FREM2: variants seen among roughly 807,000 people sequenced by gnomAD.
The protein encoded by FREM2 is FRAS1 related extracellular matrix 2, also known as FRAS1-related extracellular matrix protein 2.
In FREM2, 119 loss-of-function variants were observed where a neutral mutation model predicts 219.9. The ratio of observed to expected loss-of-function variants is 0.54; its 90% CI spans 0.47 to 0.63. FREM2 has a LOEUF of 0.63. FREM2 is among the 30% of genes least tolerant of loss of function. FREM2 has a pLI of 0.00. For synonymous variants in FREM2, 1,562 were observed against 1,522.8 expected, an observed-to-expected ratio of 1.03 and a Z score of -0.60; for missense variants, 4,030 against 3,993.6, an observed-to-expected ratio of 1.01 and a Z score of -0.25.
chr13:38,834,728 T>C (rs931813051), intron 6 of FREM2, among the ~76,000 whole-genome samples: 3 of 152,264 alleles, frequency 2.0e-5, no homozygotes, highest in Non-Finnish European at 4.4e-5. Flanking sequence ...CATATGTTTG[T>C]TGGCTGCATA....
chr13:38,687,282 T>G lies in FREM2; in HGVS notation c.-63T>G. ...CACTTCCCGGCGGTGTCTCTTGTTGTCTGCCCGGGGACCGACTTCGCATGC... is the reference window on the plus strand; with the variant it reads ...CACTTCCCGGCGGTGTCTCTTGTTGGCTGCCCGGGGACCGACTTCGCATGC... On this transcript the variant is annotated 5_prime_UTR_variant, in exon 1 of 24. Coordinates refer to ENST00000280481, the MANE Select transcript of FREM2 (RefSeq NM_207361.6). The G allele has an allele frequency of 6.4e-7, 1 of 1,551,574 alleles. No individual in the cohort carries two copies. Among genetic ancestry groups the G allele is most frequent in the Non-Finnish European group, 8.7e-7 (1 of 1,147,152 alleles).
At position 38,764,374 on chromosome 13, in the gene FREM2, C is replaced by T. The variant is rs1438567007; in HGVS notation, c.5334C>T (p.Tyr1778=). Residue 1778 remains tyrosine, a synonymous_variant, in exon 3 of 24, where the codon TAC becomes TAT. Coordinates refer to ENST00000280481, the MANE Select transcript of FREM2 (RefSeq NM_207361.6). ...WAWISFEKEY[Y]LVNEDSKFLD... ...GGATCTCCTTTGAAAAGGAATATTA[C>T]CTGGTCAATGAGGACTCCAAATTTC... 1.2e-6 allele frequency: 2 copies of T among 1,604,864 alleles called. No homozygotes were observed. Among genetic ancestry groups the T allele is most frequent in the East Asian group, 2.2e-5 (1 of 44,750 alleles).
intron 18 of FREM2, 21 bp downstream of exon 18, chr13:38,874,607 A>G (rs769310636): frequency 6.4e-6 from 10 of 1,573,620 alleles, no homozygotes; most frequent in Non-Finnish European, 8.7e-6. Flanking sequence ...TTATCTTTTA[A>G]CAACCACTCC....
intron 2 of FREM2, among the ~76,000 whole-genome samples, chr13:38,761,721 C>T (rs2078696358): frequency 6.6e-6 from 1 of 152,092 alleles, no homozygotes. Flanking sequence ...CTGCTTCACA[C>T]AGGAGGGGGA....
chr13:38,746,340 T>G (rs1872484046), intron 2 of FREM2, among the ~76,000 whole-genome samples: 1 of 152,212 alleles, frequency 6.6e-6, no homozygotes, highest in Non-Finnish European at 1.5e-5. Flanking sequence ...GAAAGATTTG[T>G]AATGATGTCT....
At chr13:38,857,791 G>T (rs1457762061) in intron 12 of FREM2, 84 bp from the exon 13 acceptor site, 5 of 1,214,230 alleles carry the variant, frequency 4.1e-6, no homozygotes, top group South Asian at 1.2e-5. Flanking sequence ...GGGGTTGCCA[G>T]GGATCGTGAG....
intron 6 of FREM2, among the ~76,000 whole-genome samples, chr13:38,841,350 G>GT (rs1241661875): frequency 6.6e-6 from 1 of 152,112 alleles, no homozygotes; most frequent in Non-Finnish European, 1.5e-5. Flanking sequence ...GCAGGTCTCT[G>GT]TATCTTCTGC....
In FREM2 at chr13:38,687,839, G is replaced by GCTAC; in HGVS notation, c.497_500dup (p.Leu168ThrfsTer183). 6.4e-7 allele frequency: 1 copy of GCTAC among 1,558,180 alleles called. No individual in the cohort carries two copies. Among genetic ancestry groups the GCTAC allele is most frequent in the Non-Finnish European group, 8.7e-7 (1 of 1,147,782 alleles). On this transcript the variant is annotated frameshift_variant, in exon 1 of 24. Coordinates refer to ENST00000280481, the MANE Select transcript of FREM2 (RefSeq NM_207361.6). LOFTEE classifies it high-confidence loss of function. The stretch of plus-strand genomic sequence containing the variant: ...ATGACGCGCCCGGAGGGGCAGTAGT[G>GCTAC]CTACCACTGGTACTGGAGGTGGAGG...
At position 38,850,011 on chromosome 13, in the gene FREM2, G is replaced by T. The variant is rs780470196; in HGVS notation, c.6380-27G>T. 6 of 1,594,928 alleles carry T rather than the reference G, an allele frequency of 3.8e-6. No homozygotes were observed. The East Asian group carries it at 1.1e-4, about 30-fold the overall frequency. On this transcript the variant is annotated intron_variant, in intron 8 of 23. Transcript: ENST00000280481. ...TGCCATTTTCCACAAGGAAATTTCT[G>T]TTCACTTTAATCCTTTGTTTTTGCA... is the stretch of plus-strand genomic sequence containing the variant.
At chr13:38,873,041 T>C (rs1878218185) in intron 17 of FREM2, 107 bp downstream of exon 17, 2 of 854,918 alleles carry the variant, frequency 2.3e-6, no homozygotes, top group East Asian at 2.6e-5. Flanking sequence ...AATTTCAGTA[T>C]ATTTTCATTT....
At chr13:38,707,393 C>A (rs1470804405) in intron 2 of FREM2, among the ~76,000 whole-genome samples, 1 of 152,078 alleles carries the variant, frequency 6.6e-6, no homozygotes, top group African/African-American at 2.4e-5. Context: ...ACATTTTTTT[C>A]TGCATGTTAA....
chr13:38,790,548 G>A (rs1874519712), intron 6 of FREM2, among the ~76,000 whole-genome samples: 1 of 152,166 alleles, frequency 6.6e-6, no homozygotes, highest in South Asian at 2.1e-4. Flanking sequence ...GTGTCCAGAA[G>A]TGTTTTCTGC....
At position 38,692,222 on chromosome 13, in the gene FREM2, A is replaced by G. The variant is rs1265604199; in HGVS notation, c.4878A>G (p.Thr1626=). 3 of 1,614,192 alleles carry G rather than the reference A, an allele frequency of 1.9e-6. No homozygotes were observed. The highest frequency in any genetic ancestry group is 2.5e-6 in the Non-Finnish European group (3 of 1,180,026). ...FSFTVTDGTH[T]DFYVFPDTVF... ...TCACAGTGACTGATGGCACCCATAC[A>G]GACTTCTATGTTTTTCCTGATACGG... is the stretch of plus-strand genomic sequence containing the variant. The change falls in exon 1 of 24, where the codon ACA becomes ACG. Residue 1626 remains threonine (T), a synonymous_variant. Coordinates refer to ENST00000280481, the MANE Select transcript of FREM2 (RefSeq NM_207361.6).
At position 38,883,193 on chromosome 13, in the gene FREM2, A is replaced by C. The variant is rs1013245193; in HGVS notation, c.*2406A>C. ...GAAATAGGCAGATATAGCTTTTTAA[A>C]ATATAAAGTACTTGGGATTTTGCAT... On this transcript the variant is annotated 3_prime_UTR_variant, in exon 24 of 24. Transcript: ENST00000280481. 1.3e-5 allele frequency: 2 copies of C among 152,158 alleles called. No individual in the cohort carries two copies. The highest frequency in any genetic ancestry group is 2.1e-4 in the South Asian group (1 of 4,832). The allele number at this position is 152,158 out of a possible 1,614,324, so 9.4% of individuals were successfully genotyped here.
chr13:38,703,378 G>A (rs890809779), intron 2 of FREM2, among the ~76,000 whole-genome samples: 1 of 152,166 alleles, frequency 6.6e-6, no homozygotes, highest in Non-Finnish European at 1.5e-5. Context: ...TAGTGCCTTA[G>A]GGAGTTATAA....
chr13:38,784,535 T>G, intron 5 of FREM2, 22 bp from the exon 6 acceptor site: 2 of 1,613,666 alleles, frequency 1.2e-6, no homozygotes, highest in Non-Finnish European at 1.7e-6. Flanking sequence ...ATAAAAATCT[T>G]TTGAATTCTC....
intron 6 of FREM2, among the ~76,000 whole-genome samples, chr13:38,831,850 C>T (rs896342525): frequency 6.6e-6 from 1 of 151,372 alleles, no homozygotes; most frequent in Non-Finnish European, 1.5e-5. Context: ...GAACTCCTGA[C>T]CTCAGATAAT....
intron 2 of FREM2, among the ~76,000 whole-genome samples, chr13:38,759,787 G>A (rs748387209): frequency 2.6e-5 from 4 of 152,174 alleles, no homozygotes; most frequent in Admixed American, 2.0e-4. Flanking sequence ...ATAATTTCAC[G>A]TTCAGTAAGC....
Position 38,688,753 on chromosome 13 carries a change from T to C in FREM2, c.1409T>C (p.Ile470Thr), listed in dbSNP as rs760314724. The change falls in exon 1 of 24, where the codon ATC (isoleucine) becomes ACC (threonine). Residue 470 changes from isoleucine (I) to threonine (T), a missense_variant. Transcript: ENST00000280481. ...PAGSGPQNLV[I>T]SDEDDLEAVR... ...GGCAGTGGTCCGCAAAACTTGGTCA[T>C]CAGCGATGAGGATGACCTAGAAGCA... The C allele has an allele frequency of 6.2e-7, 1 of 1,614,050 alleles. No homozygotes were observed. The highest frequency in any genetic ancestry group is 8.5e-7 in the Non-Finnish European group (1 of 1,179,962).
Sources: gnomAD v4.1 joint callset for allele counts (sites outside exome capture counted in the v4.1 genomes callset) on GRCh38, gnomAD v4.1.1 for gene constraint, MANE v1.5 for transcripts, NCBI Gene and HGNC (gene_info 2026-07-23, HGNC 2026-07-21) for gene names.